The following PEPD variants were observed in gnomAD, a reference collection of about 807,000 sequenced individuals.
PEPD encodes the protein peptidase D.
PEPD carries 53 observed loss-of-function variants against 60.7 expected under a neutral mutation model. That is an observed-to-expected ratio of 0.87 (90% confidence interval 0.70 to 1.10). The LOEUF (loss-of-function observed/expected upper bound fraction) is 1.10, where lower values mean the gene tolerates loss of function less well. Among genes scored for constraint, PEPD ranks in the 50% least tolerant of loss-of-function variants. PEPD has a pLI of 0.00. For synonymous variants in PEPD, 267 were observed against 284.1 expected (o/e 0.94, Z 0.60); for missense variants, 711 against 711.9 (o/e 1.00, Z 0.01).
chr19:33,427,670 T>C (rs1969180304), intron 9 of PEPD, among the ~76,000 whole-genome samples: 1 of 152,210 alleles, frequency 6.6e-6, no homozygotes, highest in African/African-American at 2.4e-5. Flanking sequence ...TTTTAAATAA[T>C]CCATTTTTAA....
At chr19:33,501,984 T>G (rs1479480793) in intron 3 of PEPD, among the ~76,000 whole-genome samples, 1 of 152,230 alleles carries the variant, frequency 6.6e-6, no homozygotes, top group East Asian at 1.9e-4. Context: ...ATGGATGAGG[T>G]TGGGCAGCCC....
chr19:33,407,153 A>T (rs1215826329), intron 11 of PEPD, among the ~76,000 whole-genome samples: 1 of 152,066 alleles, frequency 6.6e-6, no homozygotes, highest in African/African-American at 2.4e-5. Flanking sequence ...CCCCCCTCCA[A>T]CCCCCACCAC....
At chr19:33,400,038 G>A (rs541775343) in intron 12 of PEPD, among the ~76,000 whole-genome samples, 67 of 152,306 alleles carry the variant, frequency 4.4e-4, no homozygotes, top group African/African-American at 1.6e-3. Flanking sequence ...CTGAAGCCTT[G>A]CGCTACTGGG....
At chr19:33,516,280 C>CT (rs2058610060) in intron 1 of PEPD, among the ~76,000 whole-genome samples, 1 of 152,164 alleles carries the variant, frequency 6.6e-6, no homozygotes, top group African/African-American at 2.4e-5. Context: ...CAAAACATCT[C>CT]TAACAGGTTT....
chr19:33,444,897 T>G (rs1001015569), intron 9 of PEPD, among the ~76,000 whole-genome samples: 1 of 152,148 alleles, frequency 6.6e-6, no homozygotes, highest in African/African-American at 2.4e-5. Context: ...GGACAACATT[T>G]TATCACAGTG....
At chr19:33,389,889 G>A (rs1968171749) in intron 13 of PEPD, among the ~76,000 whole-genome samples, 2 of 152,386 alleles carry the variant, frequency 1.3e-5, no homozygotes, top group African/African-American at 2.4e-5. Flanking sequence ...CAGGGCGCAG[G>A]CGCCATAAGA....
intron 4 of PEPD, among the ~76,000 whole-genome samples, chr19:33,496,819 C>T (rs1165296019): frequency 6.6e-6 from 1 of 152,216 alleles, no homozygotes; most frequent in Non-Finnish European, 1.5e-5. Flanking sequence ...TGTACATCCT[C>T]CCCTGGGGAC....
chr19:33,445,070 C>T (rs1969567959), intron 9 of PEPD, among the ~76,000 whole-genome samples: 1 of 152,194 alleles, frequency 6.6e-6, no homozygotes, highest in Non-Finnish European at 1.5e-5. Flanking sequence ...CTTTAGCCCA[C>T]AGTGTGATGC....
At chr19:33,430,582 GT>G (rs921673203) in intron 9 of PEPD, among the ~76,000 whole-genome samples, 1 of 152,084 alleles carries the variant, frequency 6.6e-6, no homozygotes, top group Admixed American at 6.5e-5. Context: ...GCATCAAAGG[GT>G]TTTTTTCCTA....
At chr19:33,490,098 GGC>G in intron 5 of PEPD, 41 bp from the exon 6 acceptor site, 1 of 1,471,610 alleles carries the variant, frequency 6.8e-7, no homozygotes, top group Non-Finnish European at 9.5e-7. Context: ...GGGGCCGCAT[GGC>G]GCCCCCACAG....
intron 12 of PEPD, among the ~76,000 whole-genome samples, chr19:33,395,755 CCAGA>C (rs1275532697): frequency 6.6e-6 from 1 of 152,238 alleles, no homozygotes; most frequent in African/African-American, 2.4e-5. Flanking sequence ...AGAGCTGCCT[CCAGA>C]CAAAGAGCGC....
In PEPD at chr19:33,440,277, T is replaced by C. The variant is rs182234878; in HGVS notation, c.671+22718A>G. Among the ~76,000 whole-genome samples the C allele has an allele frequency of 2.0e-5, 3 of 151,972 alleles. No homozygotes were observed. The East Asian group carries it at 5.8e-4, about 29-fold the overall frequency. ...GCTGCTCAAATTCAGACCCCTGGAG[T>C]CATCCTGGACTCTTCCCACAACACC... On this transcript the variant is annotated intron_variant, in intron 9 of 14. Coordinates refer to ENST00000244137, the MANE Select transcript of PEPD (RefSeq NM_000285.4).
chr19:33,425,297 AAAACAAACAAAC>A (rs113458763), intron 9 of PEPD, among the ~76,000 whole-genome samples: 3 of 151,096 alleles, frequency 2.0e-5, no homozygotes, highest in Non-Finnish European at 2.9e-5. Flanking sequence ...ATTCAGTCTC[AAAACAAACAAAC>A]AAACAAACAA....
chr19:33,517,934 T>A (rs1600181401), intron 1 of PEPD, among the ~76,000 whole-genome samples: 1 of 148,058 alleles, frequency 6.8e-6, no homozygotes, highest in Non-Finnish European at 1.5e-5. Flanking sequence ...GCCATTGCAC[T>A]CCAGTGTGAG....
intron 6 of PEPD, among the ~76,000 whole-genome samples, chr19:33,484,438 T>C (rs528898113): frequency 1.3e-5 from 2 of 152,120 alleles, no homozygotes; most frequent in African/African-American, 4.8e-5. Flanking sequence ...TAGACACAGA[T>C]GCACACACGC....
chr19:33,482,819 A>T (rs1449540130), intron 6 of PEPD, among the ~76,000 whole-genome samples: 1 of 152,230 alleles, frequency 6.6e-6, no homozygotes, highest in Non-Finnish European at 1.5e-5. Flanking sequence ...AGAAAAAAAT[A>T]TTTTTCAGCC....
chr19:33,450,345 A>G (rs551397673), intron 9 of PEPD, among the ~76,000 whole-genome samples: 10 of 152,366 alleles, frequency 6.6e-5, no homozygotes, highest in Admixed American at 2.0e-4. Context: ...AGTGAGACAG[A>G]TCCTCAGGAA....
At chr19:33,432,010 A>AAAAAAAAAAAAAAAAAAAAAAC (rs1031542443) in intron 9 of PEPD, among the ~76,000 whole-genome samples, 6 of 147,514 alleles carry the variant, frequency 4.1e-5, no homozygotes, top group African/African-American at 1.5e-4. Context: ...AAAAAAAAAA[A>AAAAAAAAAAAAAAAAAAAAAAC]GGGAAGATTA....
chr19:33,403,621 G>C (rs552629044), intron 11 of PEPD, among the ~76,000 whole-genome samples: 2 of 152,352 alleles, frequency 1.3e-5, no homozygotes, highest in Admixed American at 1.3e-4. Flanking sequence ...TGTGGAGCAA[G>C]GAGCAGGGCC....
Sources: allele counts gnomAD v4.1 joint callset (sites outside exome capture counted in the v4.1 genomes callset), GRCh38; gene constraint gnomAD v4.1.1; transcripts MANE v1.5; gene names NCBI Gene and HGNC (gene_info 2026-07-23, HGNC 2026-07-21).